The following PTPRA variants were observed in gnomAD, a reference collection of about 807,000 sequenced individuals.
PTPRA encodes the protein protein tyrosine phosphatase receptor type A, also known as receptor-type tyrosine-protein phosphatase alpha.
PTPRA carries 25 observed loss-of-function variants against 104.8 expected under a neutral mutation model. That is an observed-to-expected ratio of 0.24 (90% CI 0.17 to 0.33). The LOEUF (loss-of-function observed/expected upper bound fraction) is 0.33. Among genes scored for constraint, PTPRA ranks in the 10% least tolerant of loss-of-function variants. The pLI is 1.00. For missense variants in PTPRA, 765 were observed against 1,015.3 expected (o/e 0.75, Z 3.35); for synonymous variants, 323 against 368.9 (o/e 0.88, Z 1.43).
chr20:2,865,047 G>T, the PTPRA span: 14 of 1,614,164 alleles, frequency 8.7e-6, no homozygotes, highest in Admixed American at 8.3e-5. This position sits in a 1 kb window ranked among gnomAD's most constrained non-coding sequence, Gnocchi z 5.2. Flanking sequence ...GAATGAGTTT[G>T]CAGCCAAGGT....
At chr20:2,910,438 A>ATATAT in intron 1 of PTPRA, among the ~76,000 whole-genome samples, 1 of 66,740 alleles carries the variant, frequency 1.5e-5, no homozygotes, top group East Asian at 6.3e-4. Flanking sequence ...AATGTATATT[A>ATATAT]TATATAAGTA....
At chr20:2,957,375 A>G (rs1476668435) in intron 3 of PTPRA, among the ~76,000 whole-genome samples, 1 of 152,156 alleles carries the variant, frequency 6.6e-6, no homozygotes, top group Admixed American at 6.5e-5. Flanking sequence ...AGAGAACTGT[A>G]TGGTTTTTTG....
At chr20:2,918,142 A>C (rs2059975240) in intron 1 of PTPRA, among the ~76,000 whole-genome samples, 2 of 151,798 alleles carry the variant, frequency 1.3e-5, no homozygotes, top group Non-Finnish European at 2.9e-5. Flanking sequence ...TTTAGTATAC[A>C]GAAATATTGG....
intron 1 of PTPRA, among the ~76,000 whole-genome samples, chr20:2,897,168 G>A (rs1400188503): frequency 3.3e-5 from 5 of 152,176 alleles, no homozygotes; most frequent in African/African-American, 1.2e-4. Context: ...TGTAAAATTA[G>A]TTTAGAGGTA....
At chr20:2,911,272 G>A (rs75083060) in intron 1 of PTPRA, among the ~76,000 whole-genome samples, 3 of 152,074 alleles carry the variant, frequency 2.0e-5, no homozygotes, top group Admixed American at 6.6e-5. Context: ...TGGGCCTGTT[G>A]TATACAAACC....
chr20:2,936,542 G>T (rs189883808), intron 2 of PTPRA, among the ~76,000 whole-genome samples: 64 of 152,116 alleles, frequency 4.2e-4, no homozygotes, highest in Non-Finnish European at 6.9e-4. Flanking sequence ...GCTCACTGCA[G>T]CCTCAACCTC....
At chr20:2,868,620 T>TTC (rs2089390725), upstream of PTPRA, among the ~76,000 whole-genome samples, 1 of 26,568 alleles carries the variant, frequency 3.8e-5, no homozygotes, top group Non-Finnish European at 6.5e-5. Context: ...ATTCTGGGCT[T>TTC]TTTTTTTTTT....
intron 13 of PTPRA, among the ~76,000 whole-genome samples, chr20:3,020,481 C>A (rs1432084394): frequency 6.6e-6 from 1 of 152,192 alleles, no homozygotes; most frequent in Admixed American, 6.5e-5. Flanking sequence ...TTTGGTATAT[C>A]CTGGATCAGC....
In PTPRA at chr20:2,982,919, CGA is replaced by C. The variant is rs562272533; in HGVS notation, c.443-3845_443-3844del. Among the ~76,000 whole-genome samples, 457 of 151,970 alleles carry C rather than the reference CGA, an allele frequency of 3.0e-3. 10 individuals carry two copies. Among genetic ancestry groups the C allele is most frequent in the South Asian group, 0.029 (137 of 4,792 alleles). ...TTCACCATGTTGGCCAAGCTGGTCT[CGA>C]ATTCTTGACCTCATGATCTGCCCAC... On this transcript the variant is annotated intron_variant, in intron 6 of 23. Coordinates refer to ENST00000399903, the MANE Select transcript of PTPRA (RefSeq NM_001385305.1).
rs1432741757 is a variant in PTPRA at position 3,035,765 on chromosome 20, C to A, written c.2047-25C>A. On this transcript the variant is annotated intron_variant, in intron 21 of 23. Transcript: ENST00000399903. The surrounding 1 kb of genome is among the most constrained non-coding windows in gnomAD (Gnocchi z 5.8). Reference sequence around the variant, plus strand: ...ACAGGAAAAGCAGGGTTACCCCTGCCTCCCTGATCCCCTTTTTTCCAAAGG... The same window carrying A: ...ACAGGAAAAGCAGGGTTACCCCTGCATCCCTGATCCCCTTTTTTCCAAAGG... 1.9e-6 allele frequency: 3 copies of A among 1,614,062 alleles called. No homozygotes were observed. Among genetic ancestry groups the A allele is most frequent in the Non-Finnish European group, 2.5e-6 (3 of 1,180,022 alleles).
At chr20:3,036,926 C>G (rs1226343458) in intron 22 of PTPRA, among the ~76,000 whole-genome samples, 2 of 152,124 alleles carry the variant, frequency 1.3e-5, no homozygotes, top group African/African-American at 2.4e-5. Flanking sequence ...GAGTGAAGGT[C>G]GTCCCCCACG....
At position 3,037,079 on chromosome 20, in the gene PTPRA, CCACTCACCACTGT is replaced by C. The variant is rs2065835114; in HGVS notation, c.2199-66_2199-54del. ...CAGCTGCCTGCCCCCACCTCTTCTGCCACTCACCACTGTCACTCACCCCCTTGCACAGAGGGCC... is the reference window on the plus strand; with the variant it reads ...CAGCTGCCTGCCCCCACCTCTTCTGCCACTCACCCCCTTGCACAGAGGGCC... On this transcript the variant is annotated intron_variant, in intron 22 of 23. Coordinates refer to ENST00000399903, the MANE Select transcript of PTPRA (RefSeq NM_001385305.1). This position sits in a 1 kb window ranked among gnomAD's most constrained non-coding sequence, Gnocchi z 4.3. The C allele has an allele frequency of 1.9e-6, 3 of 1,562,164 alleles. No homozygotes were observed. The highest frequency in any genetic ancestry group is 1.4e-5 in the African/African-American group (1 of 74,022).
chr20:2,867,325 C>A, the PTPRA span, among the ~76,000 whole-genome samples: 6 of 152,182 alleles, frequency 3.9e-5, no homozygotes, highest in Non-Finnish European at 7.4e-5. Context: ...AACTCTTGCC[C>A]ACTGAACTGT....
chr20:2,876,614 T>C (rs1472723979), intron 1 of PTPRA, among the ~76,000 whole-genome samples: 1 of 152,262 alleles, frequency 6.6e-6, no homozygotes, highest in African/African-American at 2.4e-5. Context: ...TTCCAGGTTC[T>C]TCTCTTACAG....
Position 2,960,345 on chromosome 20 carries a change from G to C in PTPRA, c.-6-3927G>C, listed in dbSNP as rs2061704590. On this transcript the variant is annotated intron_variant, in intron 3 of 23. Transcript: ENST00000399903. The stretch of plus-strand genomic sequence containing the variant: ...GGTCACTGCAAGCTCCACCTCCCGG[G>C]TTCATGCCATTCTCCTGCCTCAGCC... Among the ~76,000 whole-genome samples, 3 of 151,384 alleles carry C rather than the reference G, an allele frequency of 2.0e-5. No homozygotes were observed. In the South Asian group the frequency reaches 6.3e-4, roughly 32 times the overall value.
At chr20:2,929,333 G>A (rs1004098844) in intron 2 of PTPRA, among the ~76,000 whole-genome samples, 1 of 152,128 alleles carries the variant, frequency 6.6e-6, no homozygotes, top group African/African-American at 2.4e-5. Flanking sequence ...GTTGACCACA[G>A]CATTGGCCCT....
At chr20:2,923,496 T>TA (rs76940822) in intron 2 of PTPRA, among the ~76,000 whole-genome samples, 18 of 149,966 alleles carry the variant, frequency 1.2e-4, no homozygotes, top group South Asian at 4.2e-4. Flanking sequence ...TTTTTTTTTT[T>TA]AAAAAAAAAG....
At chr20:2,989,432 AAAAAAAC>A (rs2063055078) in intron 9 of PTPRA, among the ~76,000 whole-genome samples, 3 of 152,146 alleles carry the variant, frequency 2.0e-5, no homozygotes, top group Admixed American at 1.3e-4. Flanking sequence ...ACTCCATCTC[AAAAAAAC>A]AAGAGCTTCC....
In PTPRA at chr20:2,950,849, A is replaced by G. The variant is rs1464549693; in HGVS notation, c.-7+2825A>G. ...TGTACACATTTAAAGTGTAAAATTT[A>G]TTACATTTTGATCCATGTATATAGC... On this transcript the variant is annotated intron_variant, in intron 3 of 23. Coordinates refer to ENST00000399903, the MANE Select transcript of PTPRA (RefSeq NM_001385305.1). This position sits in a 1 kb window ranked among gnomAD's most constrained non-coding sequence, Gnocchi z 4.0. 6.6e-6 allele frequency among the ~76,000 whole-genome samples: 1 copy of G among 152,140 alleles called. No homozygotes were observed. Among genetic ancestry groups the G allele is most frequent in the Non-Finnish European group, 1.5e-5 (1 of 68,012 alleles).
Sources: gnomAD v4.1 joint callset for allele counts (sites outside exome capture counted in the v4.1 genomes callset) on GRCh38, gnomAD v4.1.1 for gene constraint, Gnocchi (gnomAD v3.1) non-coding constraint, MANE v1.5 for transcripts, NCBI Gene and HGNC (gene_info 2026-07-23, HGNC 2026-07-21) for gene names.